FGF9: variants seen among roughly 807,000 people sequenced by gnomAD.
FGF9 encodes fibroblast growth factor 9 (glia-activating factor).
FGF9 carries 3 observed loss-of-function variants against 19.9 expected under a neutral mutation model. That is an observed-to-expected ratio of 0.15 (90% CI 0.07 to 0.39). The LOEUF is 0.39. FGF9 is among the 10% of genes least tolerant of loss of function. The probability of loss-of-function intolerance (pLI) is 1.00; values close to 1 mark genes in which losing one functional copy is unlikely to be tolerated. For missense variants in FGF9, 175 were observed against 256.8 expected, an observed-to-expected ratio of 0.68 and a Z score of 2.18; for synonymous variants, 107 against 106.9, an observed-to-expected ratio of 1.00 and a Z score of -0.01.
At position 21,671,809 on chromosome 13, in the gene FGF9, G is replaced by C. The variant is rs928378429; in HGVS notation, c.-104G>C. The C allele has an allele frequency of 2.4e-6, 3 of 1,256,256 alleles. No individual in the cohort carries two copies. Among genetic ancestry groups the C allele is most frequent in the Non-Finnish European group, 3.5e-6 (3 of 858,364 alleles). 77.8% of individuals were successfully genotyped at this position (1,256,256 alleles called of 1,614,324 possible). A position where few individuals can be genotyped will look rare whatever the true frequency, so the allele number is the denominator to read the frequency against. On this transcript the variant is annotated 5_prime_UTR_variant, in exon 1 of 3. Transcript: ENST00000382353. Reference sequence around the variant, plus strand: ...GAACCTTTTTTTTCTCTCTCTCTCTGCAACTGCAGTAAGGGAGGGGAGTTG... The same window carrying C: ...GAACCTTTTTTTTCTCTCTCTCTCTCCAACTGCAGTAAGGGAGGGGAGTTG...
chr13:21,683,930 T>C (rs1382230582), intron 2 of FGF9, among the ~76,000 whole-genome samples: 3 of 152,238 alleles, frequency 2.0e-5, no homozygotes, highest in African/African-American at 7.2e-5. Context: ...ACCCAATGCT[T>C]AGGATGAACC....
At chr13:21,694,834 A>C (rs1441066070) in intron 2 of FGF9, among the ~76,000 whole-genome samples, 1 of 152,228 alleles carries the variant, frequency 6.6e-6, no homozygotes, top group African/African-American at 2.4e-5. Context: ...GAAAACTTGA[A>C]TTCTATTATT....
At position 21,671,795 on chromosome 13, in the gene FGF9, T is replaced by TTC. The variant is rs369053667; in HGVS notation, c.-106_-105dup. On this transcript the variant is annotated 5_prime_UTR_variant, in exon 1 of 3. Coordinates refer to ENST00000382353, the MANE Select transcript of FGF9 (RefSeq NM_002010.3). ...TGGATTGAAGAAAAGAACCTTTTTT[T>TTC]TCTCTCTCTCTCTGCAACTGCAGTA... The TTC allele has an allele frequency of 1.2e-4, 146 of 1,171,608 alleles. 1 individual carries two copies. The highest frequency in any genetic ancestry group is 5.3e-4 in the South Asian group (40 of 76,076). The allele number at this position is 1,171,608 out of a possible 1,614,324, so 72.6% of individuals were successfully genotyped here.
chr13:21,701,465 A>G lies in FGF9; in HGVS notation c.*30A>G. The G allele has an allele frequency of 6.2e-7, 1 of 1,613,918 alleles. No homozygotes were observed. Among genetic ancestry groups the G allele is most frequent in the Non-Finnish European group, 8.5e-7 (1 of 1,179,830 alleles). On this transcript the variant is annotated 3_prime_UTR_variant, in exon 3 of 3. Transcript: ENST00000382353. ...GACAGTTTCTTCACTTGAGCCCTTA[A>G]AAAAGTAACCACTATAAAGGTTTCA... is the stretch of plus-strand genomic sequence containing the variant.
intron 2 of FGF9, among the ~76,000 whole-genome samples, chr13:21,692,699 T>TGACAGA (rs1339301040): frequency 2.0e-5 from 3 of 152,120 alleles, no homozygotes; most frequent in African/African-American, 7.2e-5. Flanking sequence ...TGTGTGGGGG[T>TGACAGA]GACAGAAATG....
intron 2 of FGF9, among the ~76,000 whole-genome samples, chr13:21,697,422 C>T (rs1021873544): frequency 2.6e-5 from 4 of 152,058 alleles, no homozygotes; most frequent in Non-Finnish European, 5.9e-5. Context: ...GCTGGGGTTA[C>T]AGGCATAAGC....
intron 2 of FGF9, among the ~76,000 whole-genome samples, chr13:21,688,530 C>T (rs542468789): frequency 6.6e-6 from 1 of 152,278 alleles, no homozygotes; most frequent in East Asian, 1.9e-4. Context: ...ATTTTAGTGG[C>T]TTAGTGACTT....
intron 2 of FGF9, among the ~76,000 whole-genome samples, chr13:21,682,163 C>T (rs533840577): frequency 2.6e-5 from 4 of 152,062 alleles, no homozygotes; most frequent in African/African-American, 7.2e-5. Context: ...TGTGCATCAC[C>T]ACACGTAGTT....
At position 21,701,174 on chromosome 13, in the gene FGF9, C is replaced by A. The variant is rs780247811; in HGVS notation, c.382-16C>A. The A allele has an allele frequency of 6.2e-7, 1 of 1,611,314 alleles. No individual in the cohort carries two copies. The highest frequency in any genetic ancestry group is 1.7e-4 in the Middle Eastern group (1 of 6,060). ...AGCTATTTTTCCTAATGCTCTCCCTCTTTTTCTTTTTACAGGAAAAACTAA... is the reference window on the plus strand; with the variant it reads ...AGCTATTTTTCCTAATGCTCTCCCTATTTTTCTTTTTACAGGAAAAACTAA... On this transcript the variant is annotated splice_polypyrimidine_tract_variant and intron_variant, in intron 2 of 2. Transcript: ENST00000382353.
chr13:21,682,010 CTTTCTTTTTTTTTTTTTT>C (rs1872053207), intron 2 of FGF9, among the ~76,000 whole-genome samples: 1 of 149,932 alleles, frequency 6.7e-6, no homozygotes, highest in African/African-American at 2.5e-5. Context: ...CTTTTCTTTT[CTTTCTTTTTTTTTTTTTT>C]GAGATAGGGT....
rs17840929 is a variant in FGF9, at chr13:21,701,494, G to T, written c.*59G>T. 1.9e-6 allele frequency: 3 copies of T among 1,611,914 alleles called. No individual in the cohort carries two copies. Among genetic ancestry groups the T allele is most frequent in the Non-Finnish European group, 2.5e-6 (3 of 1,178,696 alleles). ...AGTAACCACTATAAAGGTTTCACGC[G>T]GTGGGTTCTTATTGATTCGCTGTGT... On this transcript the variant is annotated 3_prime_UTR_variant, in exon 3 of 3. Coordinates refer to ENST00000382353, the MANE Select transcript of FGF9 (RefSeq NM_002010.3).
chr13:21,698,135 T>C (rs1244897108), intron 2 of FGF9, among the ~76,000 whole-genome samples: 3 of 152,120 alleles, frequency 2.0e-5, no homozygotes, highest in African/African-American at 4.8e-5. Flanking sequence ...TTACTATGCT[T>C]AGTGAAAAGT....
chr13:21,702,379 C>G lies in FGF9; in HGVS notation c.*944C>G, dbSNP rs1176297209. The G allele has an allele frequency of 2.0e-5, 3 of 152,194 alleles. No homozygotes were observed. Among genetic ancestry groups the G allele is most frequent in the African/African-American group, 7.2e-5 (3 of 41,438 alleles). The allele number at this position is 152,194 out of a possible 1,614,324, so 9.4% of individuals were successfully genotyped here. A position where few individuals can be genotyped will look rare whatever the true frequency, so the allele number is the denominator to read the frequency against. The stretch of plus-strand genomic sequence containing the variant: ...AGAGGATTAAAGATAAACTGGGTCT[C>G]AAACTTTGATTCTGTGTCTGCAATA... On this transcript the variant is annotated 3_prime_UTR_variant, in exon 3 of 3. Transcript: ENST00000382353.
intron 1 of FGF9, among the ~76,000 whole-genome samples, chr13:21,675,223 C>G (rs1166723414): frequency 6.6e-6 from 1 of 151,050 alleles, no homozygotes; most frequent in Non-Finnish European, 1.5e-5. Context: ...GGTGGCTGTG[C>G]GCAGTGGGGG....
chr13:21,686,461 C>T (rs925610303), intron 2 of FGF9, among the ~76,000 whole-genome samples: 20 of 152,188 alleles, frequency 1.3e-4, no homozygotes, highest in African/African-American at 4.6e-4. Context: ...CTTTAAAAAA[C>T]GTAGCTGGTA....
chr13:21,698,312 G>C (rs1434405835), intron 2 of FGF9, among the ~76,000 whole-genome samples: 1 of 152,176 alleles, frequency 6.6e-6, no homozygotes, highest in African/African-American at 2.4e-5. Context: ...AACTGGAAAA[G>C]CTGCATTTGC....
rs1871756293 is a variant in FGF9 at position 21,671,171 on chromosome 13, G to GGCGGCACGCGAGCTCCCGGAC, written c.-736_-716dup. ...GGCAACACCTGTTCGCGGCAGCCTGGGCGGCACGCGAGCTCCCGGACGCGG... is the reference window on the plus strand; with the variant it reads ...GGCAACACCTGTTCGCGGCAGCCTGGGCGGCACGCGAGCTCCCGGACGCGGCACGCGAGCTCCCGGACGCGG... On this transcript the variant is annotated 5_prime_UTR_variant, in exon 1 of 3. Transcript: ENST00000382353. Among the ~76,000 whole-genome samples the GGCGGCACGCGAGCTCCCGGAC allele has an allele frequency of 6.6e-6, 1 of 152,244 alleles. No individual in the cohort carries two copies. Among genetic ancestry groups the GGCGGCACGCGAGCTCCCGGAC allele is most frequent in the Admixed American group, 6.5e-5 (1 of 15,290 alleles).
Position 21,671,810 on chromosome 13 carries a change from C to G in FGF9, c.-103C>G, listed in dbSNP as rs1871774356. 4 of 1,281,636 alleles carry G rather than the reference C, an allele frequency of 3.1e-6. No individual in the cohort carries two copies. Among genetic ancestry groups the G allele is most frequent in the Non-Finnish European group, 4.5e-6 (4 of 881,338 alleles). 79.4% of individuals were successfully genotyped at this position (1,281,636 alleles called of 1,614,324 possible). On this transcript the variant is annotated 5_prime_UTR_variant, in exon 1 of 3. Transcript: ENST00000382353. ...AACCTTTTTTTTCTCTCTCTCTCTG[C>G]AACTGCAGTAAGGGAGGGGAGTTGG...
chr13:21,680,525 G>T (rs1872018474), intron 1 of FGF9, among the ~76,000 whole-genome samples: 1 of 151,656 alleles, frequency 6.6e-6, no homozygotes, highest in Non-Finnish European at 1.5e-5. Flanking sequence ...CCAAAAGCAA[G>T]ATACTCACAC....
Sources: allele counts gnomAD v4.1 joint callset (sites outside exome capture counted in the v4.1 genomes callset), GRCh38; gene constraint gnomAD v4.1.1; transcripts MANE v1.5; gene names NCBI Gene and HGNC (gene_info 2026-07-23, HGNC 2026-07-21).